The following ARL5B variants were observed in gnomAD, a reference collection of about 807,000 sequenced individuals.
ARL5B encodes the protein ARF like GTPase 5B, also known as ADP-ribosylation factor-like protein 5B.
A neutral mutation model predicts 26.9 loss-of-function variants in ARL5B; 10 were observed. The ratio of observed to expected loss-of-function variants is 0.37; its 90% CI spans 0.23 to 0.63. ARL5B has a LOEUF of 0.63. Ranked by LOEUF, ARL5B falls within the 30% of genes least tolerant of loss-of-function variation. ARL5B has a pLI of 0.62. For missense variants in ARL5B, 167 were observed against 213.9 expected, an observed-to-expected ratio of 0.78 and a Z score of 1.37; for synonymous variants, 87 against 70.4, an observed-to-expected ratio of 1.24 and a Z score of -1.18.
intron 2 of ARL5B, among the ~76,000 whole-genome samples, chr10:18,667,780 G>A (rs1240360644): frequency 6.6e-6 from 1 of 151,986 alleles, no homozygotes; most frequent in East Asian, 1.9e-4. Flanking sequence ...TCTAAGGGTG[G>A]AGTGCAATGG....
chr10:18,672,575 T>G (rs771806741), intron 3 of ARL5B, 47 bp from the exon 4 acceptor site: 18 of 1,451,214 alleles, frequency 1.2e-5, no homozygotes, highest in African/African-American at 1.4e-5. Flanking sequence ...AGAAAACTTT[T>G]CAGCATCCCA....
rs779288919 is a variant in ARL5B, at chr10:18,666,618, C to T, written c.90C>T (p.Thr30=). The change falls in exon 2 of 6, where the codon ACC becomes ACT. Residue 30 remains threonine, a synonymous_variant. Transcript: ENST00000377275. ...IIVGLDNAGK[T]TILYQFLMNE... ...TGGGACTGGATAATGCAGGGAAAAC[C>T]ACCATTCTTTACCAATTGTAAGTAT... 1 of 1,607,962 alleles carries T rather than the reference C, an allele frequency of 6.2e-7. No individual in the cohort carries two copies. The highest frequency in any genetic ancestry group is 8.5e-7 in the Non-Finnish European group (1 of 1,177,176).
chr10:18,672,678 A>G lies in ARL5B; in HGVS notation c.312A>G (p.Glu104=), dbSNP rs750783693. The G allele has an allele frequency of 4.5e-5, 73 of 1,609,720 alleles. No homozygotes were observed. The highest frequency in any genetic ancestry group is 6.0e-5 in the Non-Finnish European group (71 of 1,177,680). The change falls in exon 4 of 6, where the codon GAA becomes GAG. Residue 104 remains glutamate (E), a synonymous_variant. Transcript: ENST00000377275. ...GGGAACGACTAGCTATTACAAAAGA[A>G]GAATTATACAGAATGTTGGCTCATG... ...IDRERLAITK[E]ELYRMLAHED... is the part of the protein sequence containing the mutation.
chr10:18,678,507 T>C lies in ARL5B; in HGVS notation c.*3291T>C, dbSNP rs2059919471. On this transcript the variant is annotated 3_prime_UTR_variant, in exon 6 of 6. Transcript: ENST00000377275. ...TAGAAGCTTTTTTAAAAAATCTTTT[T>C]AGTGTAGTTTCTTAGAACAAATTAT... 1 of 151,942 alleles carries C rather than the reference T, an allele frequency of 6.6e-6. No homozygotes were observed. Among genetic ancestry groups the C allele is most frequent in the African/African-American group, 2.4e-5 (1 of 41,440 alleles). 9.4% of individuals were successfully genotyped at this position (151,942 alleles called of 1,614,324 possible). A position where few individuals can be genotyped will look rare whatever the true frequency, so the allele number is the denominator to read the frequency against.
rs1165268036 is a variant in ARL5B at position 18,677,927 on chromosome 10, A to C, written c.*2711A>C. The C allele has an allele frequency of 6.6e-6, 1 of 151,870 alleles. No individual in the cohort carries two copies. The highest frequency in any genetic ancestry group is 6.6e-5 in the Admixed American group (1 of 15,212). 9.4% of individuals were successfully genotyped at this position (151,870 alleles called of 1,614,324 possible). ...TCTACCTTTTAATTTGAAAACAAGG[A>C]AATTAAATTTTAACAGAAATCTTTT... On this transcript the variant is annotated 3_prime_UTR_variant, in exon 6 of 6. Transcript: ENST00000377275.
At chr10:18,661,857 T>G (rs1197282456) in intron 1 of ARL5B, among the ~76,000 whole-genome samples, 1 of 152,174 alleles carries the variant, frequency 6.6e-6, no homozygotes, top group African/African-American at 2.4e-5. Flanking sequence ...TTTGGTACTT[T>G]TAGGGAAGCT....
chr10:18,666,933 AC>A (rs2059863820), intron 2 of ARL5B, among the ~76,000 whole-genome samples: 1 of 152,174 alleles, frequency 6.6e-6, no homozygotes, highest in South Asian at 2.1e-4. Context: ...CTTAGTTCTT[AC>A]CCCACTTGGG....
intron 3 of ARL5B, among the ~76,000 whole-genome samples, chr10:18,671,273 A>G (rs368708338): frequency 1.3e-5 from 2 of 152,112 alleles, no homozygotes; most frequent in East Asian, 1.9e-4. Context: ...CCCAGGTTCA[A>G]AGGATTCTCC....
rs1245895210 is a variant in ARL5B, at chr10:18,679,779, A to G, written c.*4563A>G. On this transcript the variant is annotated 3_prime_UTR_variant, in exon 6 of 6. Transcript: ENST00000377275. The stretch of plus-strand genomic sequence containing the variant: ...TTCAAAGCACTTGAAAGTAAAGACA[A>G]TATCATGAGGTCGAAAAAACTTCAA... 6.6e-6 allele frequency: 1 copy of G among 151,990 alleles called. No individual in the cohort carries two copies. Among genetic ancestry groups the G allele is most frequent in the Non-Finnish European group, 1.5e-5 (1 of 67,884 alleles). The allele number at this position is 151,990 out of a possible 1,614,324, so 9.4% of individuals were successfully genotyped here. A position where few individuals can be genotyped will look rare whatever the true frequency, so the allele number is the denominator to read the frequency against.
chr10:18,659,661 G>A lies in ARL5B; in HGVS notation c.24G>A (p.Leu8=), dbSNP rs144696662. The A allele has an allele frequency of 1.9e-5, 30 of 1,613,354 alleles. No individual in the cohort carries two copies. The African/African-American group carries it at 3.7e-4, about 20-fold the overall frequency. The change falls in exon 1 of 6, where the codon CTG becomes CTA. Residue 8 remains leucine (L), a synonymous_variant. Coordinates refer to ENST00000377275, the MANE Select transcript of ARL5B (RefSeq NM_178815.5). MGLIFAK[L]WSLFCNQEHK... is the part of the protein sequence containing the mutation. ...TGATGGGGCTGATCTTCGCCAAACT[G>A]TGGAGCCTCTTCTGTAACCAAGGTG...
At chr10:18,671,105 A>G (rs540098876) in intron 3 of ARL5B, among the ~76,000 whole-genome samples, 14 of 152,128 alleles carry the variant, frequency 9.2e-5, no homozygotes, top group African/African-American at 3.4e-4. Context: ...GCCACGCGAC[A>G]TTCTTTCCGT....
In ARL5B at chr10:18,669,780, C is replaced by G. The variant is rs183601086; in HGVS notation, c.255+1103C>G. Among the ~76,000 whole-genome samples, 286 of 151,756 alleles carry G rather than the reference C, an allele frequency of 1.9e-3. 3 individuals are homozygous for G. The highest frequency in any genetic ancestry group is 6.7e-3 in the African/African-American group (278 of 41,382). On this transcript the variant is annotated intron_variant, in intron 3 of 5. Coordinates refer to ENST00000377275, the MANE Select transcript of ARL5B (RefSeq NM_178815.5). ...GGCCGAGGCGGGTGGATCATGAGGT[C>G]AGGAGATTGAGGCCATCCTGGCTAA...
At chr10:18,664,127 T>C (rs532839921) in intron 1 of ARL5B, among the ~76,000 whole-genome samples, 3 of 151,862 alleles carry the variant, frequency 2.0e-5, no homozygotes, top group Non-Finnish European at 4.4e-5. Context: ...CTAAGTTTTG[T>C]ATTTTTAGTA....
Position 18,678,517 on chromosome 10 carries a change from T to C in ARL5B, c.*3301T>C, listed in dbSNP as rs1451219006. ...TTTAAAAAATCTTTTTAGTGTAGTTTCTTAGAACAAATTATAAACATAATC... is the reference window on the plus strand; with the variant it reads ...TTTAAAAAATCTTTTTAGTGTAGTTCCTTAGAACAAATTATAAACATAATC... On this transcript the variant is annotated 3_prime_UTR_variant, in exon 6 of 6. Coordinates refer to ENST00000377275, the MANE Select transcript of ARL5B (RefSeq NM_178815.5). 2 of 151,930 alleles carry C rather than the reference T, an allele frequency of 1.3e-5. No individual in the cohort carries two copies. The highest frequency in any genetic ancestry group is 2.9e-5 in the Non-Finnish European group (2 of 67,816). 9.4% of individuals were successfully genotyped at this position (151,930 alleles called of 1,614,324 possible).
intron 4 of ARL5B, among the ~76,000 whole-genome samples, chr10:18,672,937 T>G (rs2059894303): frequency 1.3e-5 from 2 of 152,218 alleles, no homozygotes; most frequent in Admixed American, 6.5e-5. Flanking sequence ...GTAAAAATTT[T>G]TCAAAGCTAA....
At chr10:18,663,512 G>A (rs952963854) in intron 1 of ARL5B, among the ~76,000 whole-genome samples, 2 of 149,022 alleles carry the variant, frequency 1.3e-5, no homozygotes, top group Non-Finnish European at 3.0e-5. Flanking sequence ...CTCAGATCTT[G>A]TGGCTCACAT....
chr10:18,663,949 TTTTTG>T (rs141851017), intron 1 of ARL5B, among the ~76,000 whole-genome samples: 30 of 151,254 alleles, frequency 2.0e-4, no homozygotes, highest in Non-Finnish European at 3.2e-4. Flanking sequence ...CCATTCTTTG[TTTTTG>T]TTTTGTTTTG....
At chr10:18,668,772 T>A in intron 3 of ARL5B, 95 bp downstream of exon 3, 2 of 337,770 alleles carry the variant, frequency 5.9e-6, no homozygotes, top group Non-Finnish European at 8.3e-6. Flanking sequence ...ACAGTTGCCT[T>A]TTTTTTTTTT....
intron 3 of ARL5B, among the ~76,000 whole-genome samples, chr10:18,670,829 G>A (rs2059883829): frequency 1.3e-5 from 2 of 152,188 alleles, no homozygotes; most frequent in Admixed American, 1.3e-4. Flanking sequence ...GGAGGACTTA[G>A]CATGGGTCCA....
Sources: allele counts gnomAD v4.1 joint callset (sites outside exome capture counted in the v4.1 genomes callset), GRCh38; gene constraint gnomAD v4.1.1; transcripts MANE v1.5; gene names NCBI Gene and HGNC (gene_info 2026-07-23, HGNC 2026-07-21).